The following ANKRD44 variants were observed in gnomAD, a reference collection of about 807,000 sequenced individuals.
The protein encoded by ANKRD44 is ankyrin repeat domain 44.
A neutral mutation model predicts 116.0 loss-of-function variants in ANKRD44; 35 were observed. The ratio of observed to expected loss-of-function variants is 0.30; its 90% CI spans 0.23 to 0.40. The LOEUF (loss-of-function observed/expected upper bound fraction) is 0.40, where lower values mean the gene tolerates loss of function less well. Ranked by LOEUF, ANKRD44 falls within the 10% of genes least tolerant of loss-of-function variation. The probability of loss-of-function intolerance (pLI) is 1.00; values close to 1 mark genes in which losing one functional copy is unlikely to be tolerated. For synonymous variants in ANKRD44, 435 were observed against 461.8 expected, an observed-to-expected ratio of 0.94 and a Z score of 0.74; for missense variants, 1,014 against 1,242.6, an observed-to-expected ratio of 0.82 and a Z score of 2.77.
At chr2:197,005,449 C>T (rs963238795) in intron 21 of ANKRD44, among the ~76,000 whole-genome samples, 1 of 152,084 alleles carries the variant, frequency 6.6e-6, no homozygotes, top group Non-Finnish European at 1.5e-5. Context: ...GTTCTGATTA[C>T]GGTTAAGTGT....
At chr2:197,024,748 C>T (rs977943440) in intron 17 of ANKRD44, among the ~76,000 whole-genome samples, 3 of 152,196 alleles carry the variant, frequency 2.0e-5, no homozygotes, top group Non-Finnish European at 4.4e-5. Flanking sequence ...TGCATGTGCT[C>T]ATCTTGCTCT....
chr2:197,060,081 C>T (rs1032720249), intron 16 of ANKRD44, among the ~76,000 whole-genome samples: 1 of 152,142 alleles, frequency 6.6e-6, no homozygotes, highest in Non-Finnish European at 1.5e-5. Context: ...CAGCGTGTCA[C>T]CTGTACCTCT....
At chr2:197,037,412 T>C (rs1287265998) in intron 16 of ANKRD44, among the ~76,000 whole-genome samples, 2 of 152,220 alleles carry the variant, frequency 1.3e-5, no homozygotes, top group South Asian at 4.1e-4. Context: ...GTTGAGTATA[T>C]TACTTCATGG....
At chr2:197,173,379 C>G (rs1479224149) in intron 2 of ANKRD44, among the ~76,000 whole-genome samples, 1 of 152,140 alleles carries the variant, frequency 6.6e-6, no homozygotes. Context: ...AGGAAGCTCA[C>G]AAAGAGGATA....
At chr2:197,027,954 C>T (rs1003683286) in intron 16 of ANKRD44, among the ~76,000 whole-genome samples, 1 of 151,918 alleles carries the variant, frequency 6.6e-6, no homozygotes. Flanking sequence ...CCTCCCAAAC[C>T]GCTGAGATTA....
At chr2:197,247,409 T>C (rs370333067) in intron 1 of ANKRD44, among the ~76,000 whole-genome samples, 32 of 152,306 alleles carry the variant, frequency 2.1e-4, no homozygotes, top group Non-Finnish European at 4.0e-4. Context: ...CCTTACAATG[T>C]ACCCTTTTGT....
chr2:196,969,667 T>C (rs921180060), intron 21 of ANKRD44, among the ~76,000 whole-genome samples: 1 of 152,256 alleles, frequency 6.6e-6, no homozygotes, highest in African/African-American at 2.4e-5. Flanking sequence ...TTTAATCAAA[T>C]GACAGAATCA....
chr2:197,025,520 T>G (rs1392802584), intron 16 of ANKRD44, among the ~76,000 whole-genome samples: 1 of 152,008 alleles, frequency 6.6e-6, no homozygotes, highest in Admixed American at 6.5e-5. Flanking sequence ...ACGAAAAAAA[T>G]AAGACCCAGT....
chr2:197,190,680 T>C (rs2080800431), intron 1 of ANKRD44, among the ~76,000 whole-genome samples: 1 of 152,222 alleles, frequency 6.6e-6, no homozygotes, highest in South Asian at 2.1e-4. Flanking sequence ...AAATACTATA[T>C]TATATGATGT....
At chr2:197,046,518 G>C (rs1245003254) in intron 16 of ANKRD44, among the ~76,000 whole-genome samples, 3 of 151,880 alleles carry the variant, frequency 2.0e-5, no homozygotes, top group Non-Finnish European at 4.4e-5. Flanking sequence ...CATTCTCCCA[G>C]GAGCCTGTTG....
chr2:197,265,548 G>C (rs2105752064), intron 1 of ANKRD44, among the ~76,000 whole-genome samples: 1 of 152,220 alleles, frequency 6.6e-6, no homozygotes, highest in Non-Finnish European at 1.5e-5. Context: ...TGCCCGGCCA[G>C]TAACAGCTTT....
At chr2:196,989,979 A>T in intron 27 of ANKRD44, 5 of 1,035,348 alleles carry the variant, frequency 4.8e-6, no homozygotes, top group Non-Finnish European at 5.8e-6. Flanking sequence ...TTATTAGATA[A>T]ATTTGGGTTC....
intron 21 of ANKRD44, among the ~76,000 whole-genome samples, chr2:197,002,948 C>G (rs2076138889): frequency 1.3e-5 from 2 of 151,954 alleles, no homozygotes; most frequent in Non-Finnish European, 2.9e-5. Context: ...TTTCTTATAT[C>G]TAAAAAGAGA....
At chr2:197,188,002 C>T (rs982173407) in intron 1 of ANKRD44, among the ~76,000 whole-genome samples, 3 of 152,012 alleles carry the variant, frequency 2.0e-5, no homozygotes, top group South Asian at 2.1e-4. Context: ...TTCTGGCCAC[C>T]GGAACACTTT....
intron 1 of ANKRD44, among the ~76,000 whole-genome samples, chr2:197,293,739 C>T (rs990641813): frequency 2.0e-5 from 3 of 152,168 alleles, no homozygotes; most frequent in Admixed American, 6.5e-5. Flanking sequence ...CACAGGGGAA[C>T]GATGAGGCAA....
intron 1 of ANKRD44, among the ~76,000 whole-genome samples, chr2:197,254,630 C>T (rs370876873): frequency 0.011 from 1,161 of 107,646 alleles, 7 homozygotes; most frequent in Non-Finnish European, 0.017. Context: ...CACACACACA[C>T]ATATATATAT....
chr2:197,108,495 G>T (rs1373878266), intron 9 of ANKRD44, among the ~76,000 whole-genome samples: 1 of 152,096 alleles, frequency 6.6e-6, no homozygotes, highest in Non-Finnish European at 1.5e-5. Context: ...AAGATCCCCT[G>T]ACCACAGAGG....
rs141722206 is a variant in ANKRD44, at chr2:197,060,670, C to G, written c.1650+18033G>C. 1.1e-3 allele frequency among the ~76,000 whole-genome samples: 163 copies of G among 152,256 alleles called. 1 individual carries two copies. The highest frequency in any genetic ancestry group is 2.6e-3 in the Admixed American group (39 of 15,288). On this transcript the variant is annotated intron_variant, in intron 16 of 27. Transcript: ENST00000282272. ...CAAACGGAAACTTCATATTCTTTGACCAACATCTCCCCATTTCCCCCTAGA... is the reference window on the plus strand; with the variant it reads ...CAAACGGAAACTTCATATTCTTTGAGCAACATCTCCCCATTTCCCCCTAGA...
intron 1 of ANKRD44, among the ~76,000 whole-genome samples, chr2:197,278,741 C>G (rs1325657216): frequency 6.6e-6 from 1 of 152,202 alleles, no homozygotes; most frequent in Non-Finnish European, 1.5e-5. Flanking sequence ...ACCTCCCTAC[C>G]CACTTTCTCT....
Sources: allele counts gnomAD v4.1 joint callset (sites outside exome capture counted in the v4.1 genomes callset), GRCh38; gene constraint gnomAD v4.1.1; transcripts MANE v1.5; gene names NCBI Gene and HGNC (gene_info 2026-07-23, HGNC 2026-07-21).